GOSR1: variants seen among roughly 807,000 people sequenced by gnomAD.
GOSR1 encodes the protein golgi SNAP receptor complex member 1.
GOSR1 carries 21 observed loss-of-function variants against 35.5 expected under a neutral mutation model. The observed-to-expected ratio is 0.59, with a 90% CI of 0.42 to 0.85. The LOEUF (loss-of-function observed/expected upper bound fraction) is 0.85. Among genes scored for constraint, GOSR1 ranks in the 40% least tolerant of loss-of-function variants. The pLI is 0.00. For synonymous variants in GOSR1, 94 were observed against 106.6 expected, an observed-to-expected ratio of 0.88 and a Z score of 0.73; for missense variants, 285 against 309.6, an observed-to-expected ratio of 0.92 and a Z score of 0.60.
chr17:30,512,654 A>T (rs939691367), intron 7 of GOSR1, among the ~76,000 whole-genome samples: 1 of 152,220 alleles, frequency 6.6e-6, no homozygotes, highest in Non-Finnish European at 1.5e-5. Context: ...GTTTTCACAG[A>T]ATTTCCTTAT....
At chr17:30,482,422 A>G (rs1212792661) in intron 2 of GOSR1, among the ~76,000 whole-genome samples, 1 of 152,234 alleles carries the variant, frequency 6.6e-6, no homozygotes, top group Admixed American at 6.5e-5. Context: ...AGAGCTTTCT[A>G]TAAATGCTGC....
rs1967970026 is a variant in GOSR1 at position 30,520,082 on chromosome 17, GTGCT to G, written c.622+63_622+66del. ...GGGTAGAGGGGAGAAGTGTCTGTGT[GTGCT>G]TTTATAGGGGGCAGGTTGCCATCAT... On this transcript the variant is annotated intron_variant, in intron 8 of 8. Transcript: ENST00000451249. The G allele has an allele frequency of 1.0e-5, 11 of 1,070,722 alleles. No individual in the cohort carries two copies. In the South Asian group the frequency reaches 1.3e-4, roughly 12 times the overall value. 66.3% of individuals were successfully genotyped at this position (1,070,722 alleles called of 1,614,324 possible). A position where few individuals can be genotyped will look rare whatever the true frequency, so the allele number is the denominator to read the frequency against.
chr17:30,485,135 A>C (rs1415606962), intron 4 of GOSR1: 2 of 326,200 alleles, frequency 6.1e-6, no homozygotes, highest in Admixed American at 8.2e-5. Context: ...GATAATATGG[A>C]GGGGGAATTA....
rs1915121989 is a variant in GOSR1, at chr17:30,492,694, G to A, written c.450G>A (p.Gly150=). 12 of 1,595,044 alleles carry A rather than the reference G, an allele frequency of 7.5e-6. No homozygotes were observed. In the East Asian group the frequency reaches 2.5e-4, roughly 33 times the overall value. The change falls in exon 6 of 9, where the codon GGG becomes GGA. Residue 150 remains glycine (G), a synonymous_variant. Coordinates refer to ENST00000451249, the MANE Select transcript of GOSR1 (RefSeq NM_001007025.2). ...VRKDIESYKS[G]SGVNNRRTEL... is the part of the protein sequence containing the mutation. ...TTTGTCCCAGGTCATATAAAAGTGG[G>A]TCTGGAGTAAACAACAGAAGAACTG...
intron 4 of GOSR1, among the ~76,000 whole-genome samples, chr17:30,486,596 T>C (rs1163319696): frequency 1.3e-5 from 2 of 151,654 alleles, no homozygotes; most frequent in Admixed American, 1.3e-4. Flanking sequence ...AAATTATATG[T>C]CTAGTACACG....
chr17:30,519,092 G>A lies in GOSR1; in HGVS notation c.540-847G>A, dbSNP rs559335308. ...TTTCTTTTTTTTGAGACAGGGTCTC[G>A]CTCCATTATTCAGGCTAGAGTGCAG... On this transcript the variant is annotated intron_variant, in intron 7 of 8. Transcript: ENST00000451249. Among the ~76,000 whole-genome samples the A allele has an allele frequency of 1.5e-3, 229 of 152,148 alleles. 1 individual carries two copies. The highest frequency in any genetic ancestry group is 5.3e-3 in the African/African-American group (219 of 41,510).
intron 8 of GOSR1, among the ~76,000 whole-genome samples, chr17:30,520,709 A>G (rs890550239): frequency 6.6e-6 from 1 of 152,104 alleles, no homozygotes; most frequent in Non-Finnish European, 1.5e-5. Context: ...AGGGGGAGGA[A>G]CCTAGAATTT....
At chr17:30,512,664 T>A (rs545358019) in intron 7 of GOSR1, among the ~76,000 whole-genome samples, 1 of 152,238 alleles carries the variant, frequency 6.6e-6, no homozygotes, top group African/African-American at 2.4e-5. Flanking sequence ...AATTTCCTTA[T>A]GTTGACTGAA....
intron 2 of GOSR1, among the ~76,000 whole-genome samples, chr17:30,482,121 A>AC (rs1914396085): frequency 1.3e-5 from 2 of 151,860 alleles, no homozygotes. Flanking sequence ...ACTTTCTCCC[A>AC]CCCCATAATC....
At chr17:30,508,812 T>A (rs1597790981) in intron 6 of GOSR1, among the ~76,000 whole-genome samples, 1 of 152,232 alleles carries the variant, frequency 6.6e-6, no homozygotes, top group African/African-American at 2.4e-5. Context: ...GGTTTTATTA[T>A]CCTTGCTAGT....
At chr17:30,512,397 A>G (rs113599950) in intron 7 of GOSR1, among the ~76,000 whole-genome samples, 1,928 of 152,304 alleles carry the variant, frequency 0.013, 35 homozygotes, top group African/African-American at 0.044. Flanking sequence ...AAGAAGTCCT[A>G]TATACCCTTT....
chr17:30,486,606 G>A (rs9900051), intron 4 of GOSR1, among the ~76,000 whole-genome samples: 10,128 of 151,580 alleles, frequency 0.067, 384 homozygotes, highest in African/African-American at 0.088. Context: ...TCTAGTACAC[G>A]CAAGAAAATT....
Position 30,508,838 on chromosome 17 carries a change from C to T in GOSR1, c.510-2042C>T, listed in dbSNP as rs576600218. ...CCTTGCTAGTCTACAGATGAGAAAA[C>T]TGGGGCATGGAGAAACTTGCCCTGT... On this transcript the variant is annotated intron_variant, in intron 6 of 8. Coordinates refer to ENST00000451249, the MANE Select transcript of GOSR1 (RefSeq NM_001007025.2). Among the ~76,000 whole-genome samples the T allele has an allele frequency of 1.0e-3, 156 of 152,304 alleles. 3 individuals are homozygous for T. The South Asian group carries it at 0.029, about 28-fold the overall frequency.
chr17:30,508,760 A>G (rs992954809), intron 6 of GOSR1, among the ~76,000 whole-genome samples: 7 of 152,208 alleles, frequency 4.6e-5, no homozygotes, highest in Non-Finnish European at 7.3e-5. Flanking sequence ...TGTGCCAGGT[A>G]CTGATCCAAT....
At chr17:30,506,880 A>T (rs928317797) in intron 6 of GOSR1, among the ~76,000 whole-genome samples, 1 of 152,208 alleles carries the variant, frequency 6.6e-6, no homozygotes, top group African/African-American at 2.4e-5. Flanking sequence ...CTTAACAGTT[A>T]TGCTCAATCT....
At chr17:30,494,792 G>A (rs1966932401) in intron 6 of GOSR1, among the ~76,000 whole-genome samples, 1 of 151,622 alleles carries the variant, frequency 6.6e-6, no homozygotes, top group Admixed American at 6.6e-5. Flanking sequence ...ATTTTTAGTA[G>A]AGATGGGGTT....
intron 4 of GOSR1, among the ~76,000 whole-genome samples, chr17:30,487,421 A>G (rs1425083125): frequency 6.6e-6 from 1 of 152,212 alleles, no homozygotes; most frequent in East Asian, 1.9e-4. Flanking sequence ...GGAAACCATA[A>G]CGAATGGCTA....
chr17:30,523,444 A>G lies in GOSR1; in HGVS notation c.*1066A>G. ...CAGCCGCCCTGTCTGAGAAGTGAGG[A>G]GCCCCTCCGCCCGGCAGCCACCCCA... On this transcript the variant is annotated 3_prime_UTR_variant, in exon 9 of 9. Transcript: ENST00000451249. 6.1e-6 allele frequency: 1 copy of G among 163,664 alleles called. No homozygotes were observed. The highest frequency in any genetic ancestry group is 1.6e-4 in the South Asian group (1 of 6,294). 10.1% of individuals were successfully genotyped at this position (163,664 alleles called of 1,614,324 possible). A position where few individuals can be genotyped will look rare whatever the true frequency, so the allele number is the denominator to read the frequency against.
chr17:30,489,598 C>T (rs1364697014), intron 4 of GOSR1, among the ~76,000 whole-genome samples: 1 of 152,190 alleles, frequency 6.6e-6, no homozygotes, highest in Non-Finnish European at 1.5e-5. Flanking sequence ...TCTTTATCTA[C>T]ATCTCTGAAT....
Sources: gnomAD v4.1 joint callset for allele counts (sites outside exome capture counted in the v4.1 genomes callset) on GRCh38, gnomAD v4.1.1 for gene constraint, MANE v1.5 for transcripts, NCBI Gene and HGNC (gene_info 2026-07-23, HGNC 2026-07-21) for gene names.